CACHD1: variants seen among roughly 807,000 people sequenced by gnomAD.
CACHD1 encodes cache domain containing 1.
A neutral mutation model predicts 138.7 loss-of-function variants in CACHD1; 71 were observed. The ratio of observed to expected loss-of-function variants is 0.51; its 90% confidence interval spans 0.42 to 0.62. The LOEUF (loss-of-function observed/expected upper bound fraction) is 0.62, where lower values mean the gene tolerates loss of function less well. Among genes scored for constraint, CACHD1 ranks in the 20% least tolerant of loss-of-function variants. The probability of loss-of-function intolerance (pLI) is 0.00; values close to 1 mark genes in which losing one functional copy is unlikely to be tolerated. For synonymous variants in CACHD1, 578 were observed against 591.5 expected (o/e 0.98, Z 0.33); for missense variants, 1,389 against 1,625.3 (o/e 0.85, Z 2.50).
intron 14 of CACHD1, 137 bp from the exon 15 acceptor site, chr1:64,664,361 A>T: frequency 1.3e-6 from 1 of 751,734 alleles, no homozygotes; most frequent in Non-Finnish European, 2.1e-6. Context: ...GGTTGCATCC[A>T]TCTGCTGTGG....
chr1:64,626,595 A>T (rs991046352), intron 4 of CACHD1, among the ~76,000 whole-genome samples: 1 of 152,028 alleles, frequency 6.6e-6, no homozygotes, highest in Admixed American at 6.6e-5. Flanking sequence ...CTAATTGAGC[A>T]CTCTCTGTAG....
chr1:64,543,441 A>C (rs1646693853), intron 1 of CACHD1, among the ~76,000 whole-genome samples: 1 of 147,992 alleles, frequency 6.8e-6, no homozygotes, highest in Admixed American at 6.7e-5. Flanking sequence ...ATTAGCCAGC[A>C]GTGGTGATGC....
rs1221585399 is a variant in CACHD1, at chr1:64,693,046, G to A, written c.*1485G>A. On this transcript the variant is annotated 3_prime_UTR_variant, in exon 27 of 27. Transcript: ENST00000651257. ...TGCAATCTAGTGAAATAAACCGTAT[G>A]CAATGGACCATTTTAGTGGCTACAG... 3.9e-5 allele frequency: 6 copies of A among 152,612 alleles called. No individual in the cohort carries two copies. The allele number at this position is 152,612 out of a possible 1,614,324, so 9.5% of individuals were successfully genotyped here. A position where few individuals can be genotyped will look rare whatever the true frequency, so the allele number is the denominator to read the frequency against.
At chr1:64,639,258 C>T (rs1648622071) in intron 7 of CACHD1, among the ~76,000 whole-genome samples, 1 of 152,174 alleles carries the variant, frequency 6.6e-6, no homozygotes, top group Non-Finnish European at 1.5e-5. Flanking sequence ...TATGTTCCCT[C>T]CAACTAGGGA....
chr1:64,561,967 C>T (rs941898257), intron 2 of CACHD1, among the ~76,000 whole-genome samples: 12 of 150,594 alleles, frequency 8.0e-5, no homozygotes, highest in Non-Finnish European at 1.8e-4. Flanking sequence ...TAAAAATGTT[C>T]CACTGTCTGC....
At chr1:64,664,390 A>G (rs1649556480) in intron 14 of CACHD1, 108 bp from the exon 15 acceptor site, 2 of 1,065,202 alleles carry the variant, frequency 1.9e-6, no homozygotes, top group Non-Finnish European at 1.4e-6. Flanking sequence ...TTAAAAAGTA[A>G]TTCGGCTTGG....
intron 1 of CACHD1, among the ~76,000 whole-genome samples, chr1:64,500,731 AAAAAGAG>A (rs1265663844): frequency 1.8e-4 from 7 of 38,260 alleles, no homozygotes; most frequent in South Asian, 2.1e-3. Context: ...AAAAAAAAAA[AAAAAGAG>A]AGAGAGAGAG....
intron 2 of CACHD1, among the ~76,000 whole-genome samples, chr1:64,565,683 A>G (rs1045287036): frequency 1.3e-5 from 2 of 152,174 alleles, no homozygotes; most frequent in Non-Finnish European, 2.9e-5. Flanking sequence ...AGGAGACATA[A>G]TTGTTCTAAT....
At chr1:64,564,633 AT>A (rs1318720924) in intron 2 of CACHD1, among the ~76,000 whole-genome samples, 1 of 152,184 alleles carries the variant, frequency 6.6e-6, no homozygotes, top group Admixed American at 6.5e-5. Context: ...GAAGATTGCT[AT>A]TCTTAATTTG....
At chr1:64,483,637 A>T (rs922542748) in intron 1 of CACHD1, among the ~76,000 whole-genome samples, 1 of 144,802 alleles carries the variant, frequency 6.9e-6, no homozygotes, top group African/African-American at 2.6e-5. Flanking sequence ...TGAGGCCAGG[A>T]GTTCAAGACC....
rs76381209 is a variant in CACHD1 at position 64,664,242 on chromosome 1, C to T, written c.2095-256C>T. On this transcript the variant is annotated intron_variant, in intron 14 of 26. Coordinates refer to ENST00000651257, the MANE Select transcript of CACHD1 (RefSeq NM_020925.4). ...TGTATATATGTGTATATTAATGACT[C>T]GCTATAGGATTTTTCTTCTTAAACT... 2,223 of 537,064 alleles carry T rather than the reference C, an allele frequency of 4.1e-3. 44 individuals carry two copies. The highest frequency in any genetic ancestry group is 0.026 in the Admixed American group (792 of 30,762). 33.3% of individuals were successfully genotyped at this position (537,064 alleles called of 1,614,324 possible). A position where few individuals can be genotyped will look rare whatever the true frequency, so the allele number is the denominator to read the frequency against.
chr1:64,601,106 T>A lies in CACHD1; in HGVS notation c.411-1700T>A, dbSNP rs182222490. Among the ~76,000 whole-genome samples, 40 of 152,318 alleles carry A rather than the reference T, an allele frequency of 2.6e-4. No homozygotes were observed. The Middle Eastern group carries it at 0.01, about 39-fold the overall frequency. On this transcript the variant is annotated intron_variant, in intron 3 of 26. Coordinates refer to ENST00000651257, the MANE Select transcript of CACHD1 (RefSeq NM_020925.4). ...AACAGGTCTGGAATACCACCTGTTT[T>A]TGAAAATTAAGTTTTATTGGAACAC...
chr1:64,671,778 G>A (rs944878087), intron 17 of CACHD1, 92 bp downstream of exon 17: 1 of 1,477,996 alleles, frequency 6.8e-7, no homozygotes, highest in Non-Finnish European at 9.4e-7. Context: ...CATAGTTATG[G>A]TCAGGAATAG....
At chr1:64,572,370 TGAG>T (rs1158163895) in intron 2 of CACHD1, among the ~76,000 whole-genome samples, 1 of 152,066 alleles carries the variant, frequency 6.6e-6, no homozygotes, top group East Asian at 1.9e-4. Flanking sequence ...CAGAGTGAAG[TGAG>T]GAGAAGTGGG....
At chr1:64,603,097 ATCT>A (rs1557514813) in intron 4 of CACHD1, among the ~76,000 whole-genome samples, 185 bp downstream of exon 4, 3 of 134,870 alleles carry the variant, frequency 2.2e-5, no homozygotes, top group Admixed American at 8.2e-5. Flanking sequence ...TCAAGCTTAC[ATCT>A]TTTTTTTTTT....
chr1:64,600,816 C>T (rs556259825), intron 3 of CACHD1, among the ~76,000 whole-genome samples: 34 of 152,286 alleles, frequency 2.2e-4, no homozygotes, highest in East Asian at 7.7e-4. Context: ...AGAAGGGAAA[C>T]GTGAAGAGAG....
chr1:64,557,935 A>G (rs916723005), intron 2 of CACHD1, among the ~76,000 whole-genome samples: 1 of 152,084 alleles, frequency 6.6e-6, no homozygotes, highest in African/African-American at 2.4e-5. Context: ...AGCAGCTGGG[A>G]TTACAGGCAT....
intron 13 of CACHD1, among the ~76,000 whole-genome samples, chr1:64,662,289 A>G (rs568583582): frequency 2.0e-4 from 30 of 152,324 alleles, no homozygotes; most frequent in African/African-American, 7.2e-4. Flanking sequence ...GGTTCCTATC[A>G]TCTGAGTGGT....
At chr1:64,657,345 T>C (rs778768695) in intron 12 of CACHD1, among the ~76,000 whole-genome samples, 2 of 152,220 alleles carry the variant, frequency 1.3e-5, no homozygotes, top group Non-Finnish European at 2.9e-5. Context: ...AAGAACTGTT[T>C]ATAAAGTGCT....
Sources: allele counts gnomAD v4.1 joint callset (sites outside exome capture counted in the v4.1 genomes callset), GRCh38; gene constraint gnomAD v4.1.1; transcripts MANE v1.5; gene names NCBI Gene and HGNC (gene_info 2026-07-23, HGNC 2026-07-21).